Variants in REV1 observed in about 807,000 individuals in gnomAD.
REV1 encodes the protein translesion synthesis protein REV1.
A neutral mutation model predicts 137.4 loss-of-function variants in REV1; 42 were observed. That is an observed-to-expected ratio of 0.31 (90% CI 0.24 to 0.40). REV1 has a LOEUF of 0.40. Among genes scored for constraint, REV1 ranks in the 10% least tolerant of loss-of-function variants. REV1 has a pLI of 1.00. For synonymous variants in REV1, 524 were observed against 519.2 expected (o/e 1.01, Z -0.12); for missense variants, 1,282 against 1,490.1 (o/e 0.86, Z 2.30).
chr2:99,424,423 T>A (rs1428481790), intron 9 of REV1, 143 bp from the exon 10 acceptor site: 3 of 886,888 alleles, frequency 3.4e-6, no homozygotes, highest in Middle Eastern at 2.3e-4. Flanking sequence ...AGATAGGCAT[T>A]AAAATTTACA....
At chr2:99,413,606 C>T (rs1459478811) in intron 12 of REV1, among the ~76,000 whole-genome samples, 4 of 152,112 alleles carry the variant, frequency 2.6e-5, no homozygotes, top group Admixed American at 1.3e-4. Context: ...GCTGGGCCAG[C>T]AGGCAGCAGT....
At chr2:99,472,578 G>T (rs1010220958) in intron 1 of REV1, among the ~76,000 whole-genome samples, 8 of 152,222 alleles carry the variant, frequency 5.3e-5, no homozygotes, top group African/African-American at 1.9e-4. Context: ...TCTGAAGCTG[G>T]AAACACTGTA....
chr2:99,415,472 G>A (rs1407400422), intron 12 of REV1, among the ~76,000 whole-genome samples: 1 of 152,172 alleles, frequency 6.6e-6, no homozygotes, highest in Non-Finnish European at 1.5e-5. Flanking sequence ...TACAGACATA[G>A]AGGAGTAAAC....
chr2:99,470,137 T>G (rs1474239110), intron 1 of REV1, among the ~76,000 whole-genome samples: 1 of 151,606 alleles, frequency 6.6e-6, no homozygotes, highest in African/African-American at 2.4e-5. Context: ...AAAAAAAAGA[T>G]ATTTCATCTA....
chr2:99,483,965 A>C (rs1454252360), intron 1 of REV1, among the ~76,000 whole-genome samples: 1 of 152,210 alleles, frequency 6.6e-6, no homozygotes, highest in East Asian at 1.9e-4. Flanking sequence ...ATAACTCATA[A>C]TTTAGATATT....
chr2:99,432,547 A>C (rs1295578108), intron 8 of REV1, among the ~76,000 whole-genome samples: 1 of 152,220 alleles, frequency 6.6e-6, no homozygotes, highest in African/African-American at 2.4e-5. Flanking sequence ...TTTTATATGT[A>C]GCAAATATTC....
intron 1 of REV1, among the ~76,000 whole-genome samples, chr2:99,480,664 G>A (rs1686516580): frequency 6.6e-6 from 1 of 152,044 alleles, no homozygotes; most frequent in African/African-American, 2.4e-5. Flanking sequence ...ATCCCTCAGA[G>A]CAACTGCAAT....
rs28382881 is a variant in REV1, at chr2:99,439,301, G to A, written c.513C>T (p.Ile171=). Residue 171 remains isoleucine, a synonymous_variant, in exon 6 of 23, where the codon ATC becomes ATT. Transcript: ENST00000258428. The part of the protein sequence containing the change: ...AKQLNNRVNH[I]VKKIETENEV... The stretch of plus-strand genomic sequence containing the variant: ...CATTTTCCGTTTCAATCTTCTTAAC[G>A]ATGTGATTTCTAAAGCAGGAAAAAA... The A allele has an allele frequency of 1.9e-3, 3,000 of 1,603,060 alleles. 11 individuals carry two copies. The highest frequency in any genetic ancestry group is 3.0e-3 in the South Asian group (271 of 89,778).
At chr2:99,471,522 T>C (rs1381937499) in intron 1 of REV1, among the ~76,000 whole-genome samples, 1 of 152,172 alleles carries the variant, frequency 6.6e-6, no homozygotes, top group East Asian at 1.9e-4. Context: ...TTGCAATGAC[T>C]TTTTGGGGAA....
At chr2:99,457,741 C>T (rs1024667710) in intron 3 of REV1, among the ~76,000 whole-genome samples, 2 of 150,904 alleles carry the variant, frequency 1.3e-5, no homozygotes, top group African/African-American at 4.9e-5. Context: ...CCAGAATTAT[C>T]TTGACAAAGA....
intron 9 of REV1, among the ~76,000 whole-genome samples, chr2:99,428,066 C>A (rs1679612049): frequency 6.6e-6 from 1 of 152,128 alleles, no homozygotes. Context: ...TGGAGGCAGC[C>A]CTGCTCCCCA....
chr2:99,487,330 C>A (rs1399378118), intron 1 of REV1, among the ~76,000 whole-genome samples: 1 of 53,864 alleles, frequency 1.9e-5, no homozygotes, highest in Non-Finnish European at 4.1e-5. Context: ...AAGAAAGTGA[C>A]AATCTGATTT....
intron 6 of REV1, among the ~76,000 whole-genome samples, chr2:99,437,331 C>G (rs1298840721): frequency 6.6e-6 from 1 of 152,052 alleles, no homozygotes; most frequent in Non-Finnish European, 1.5e-5. Flanking sequence ...ACATCATGGA[C>G]TATCTATCAC....
intron 13 of REV1, 50 bp downstream of exon 13, chr2:99,412,681 G>A (rs1282518133): frequency 2.2e-6 from 3 of 1,352,394 alleles, no homozygotes; most frequent in Non-Finnish European, 1.1e-6. Context: ...GTAGGACTAT[G>A]TAAAAATATA....
At chr2:99,486,703 A>G (rs1260198439) in intron 1 of REV1, among the ~76,000 whole-genome samples, 1 of 152,250 alleles carries the variant, frequency 6.6e-6, no homozygotes, top group East Asian at 1.9e-4. Flanking sequence ...TGGGAGCCAG[A>G]GAATTCTGAC....
At chr2:99,424,557 T>G in intron 9 of REV1, 3 of 445,972 alleles carry the variant, frequency 6.7e-6, no homozygotes, top group Non-Finnish European at 7.8e-6. Flanking sequence ...CTAAAACTCA[T>G]ACCTCTGGCC....
intron 4 of REV1, among the ~76,000 whole-genome samples, chr2:99,442,915 G>C (rs1232720369): frequency 4.6e-5 from 7 of 152,132 alleles, no homozygotes; most frequent in African/African-American, 1.7e-4. Flanking sequence ...GAATGGTTAA[G>C]AGCCAAGGCC....
chr2:99,469,838 G>A (rs1253060083), intron 1 of REV1, among the ~76,000 whole-genome samples: 4 of 151,896 alleles, frequency 2.6e-5, no homozygotes, highest in Admixed American at 2.6e-4. Context: ...TTATCACCAG[G>A]AACATTCATT....
At chr2:99,423,440 G>T (rs918124769) in intron 10 of REV1, among the ~76,000 whole-genome samples, 4 of 152,152 alleles carry the variant, frequency 2.6e-5, no homozygotes, top group Admixed American at 6.5e-5. Context: ...TCACAACGCA[G>T]AACTGAGAAC....
Sources: gnomAD v4.1 joint callset for allele counts (sites outside exome capture counted in the v4.1 genomes callset) on GRCh38, gnomAD v4.1.1 for gene constraint, MANE v1.5 for transcripts, NCBI Gene and HGNC (gene_info 2026-07-23, HGNC 2026-07-21) for gene names.